Variants in PPP2R5C observed in about 807,000 individuals in gnomAD.
PPP2R5C encodes protein phosphatase 2 regulatory subunit B'gamma, also known as serine/threonine-protein phosphatase 2A 56 kDa regulatory subunit gamma isoform.
A neutral mutation model predicts 68.9 loss-of-function variants in PPP2R5C; 7 were observed. The observed-to-expected ratio is 0.10, with a 90% CI of 0.06 to 0.19. The LOEUF is 0.19. Among genes scored for constraint, PPP2R5C ranks in the 10% least tolerant of loss-of-function variants. The probability of loss-of-function intolerance (pLI) is 1.00; values close to 1 mark genes in which losing one functional copy is unlikely to be tolerated. For synonymous variants in PPP2R5C, 210 were observed against 222.2 expected, an observed-to-expected ratio of 0.95 and a Z score of 0.49; for missense variants, 348 against 641.3, an observed-to-expected ratio of 0.54 and a Z score of 4.94.
At chr14:101,880,697 TG>T (rs2044110248) in intron 2 of PPP2R5C, among the ~76,000 whole-genome samples, 1 of 152,102 alleles carries the variant, frequency 6.6e-6, no homozygotes. Context: ...CTTGGGAGGC[TG>T]GGGCAGGAGG....
chr14:101,872,549 A>T (rs977032693), intron 2 of PPP2R5C, among the ~76,000 whole-genome samples: 1 of 152,096 alleles, frequency 6.6e-6, no homozygotes, highest in East Asian at 1.9e-4. Context: ...GTTTTGAAAG[A>T]TCTGCTTGCT....
At chr14:101,897,431 G>A (rs558354071) in intron 8 of PPP2R5C, among the ~76,000 whole-genome samples, 3 of 147,934 alleles carry the variant, frequency 2.0e-5, no homozygotes, top group African/African-American at 7.5e-5. Context: ...ACAGGATCTC[G>A]CTCTGTCACC....
chr14:101,909,096 A>G (rs1451355247), intron 10 of PPP2R5C, among the ~76,000 whole-genome samples: 1 of 152,106 alleles, frequency 6.6e-6, no homozygotes, highest in African/African-American at 2.4e-5. Flanking sequence ...TTCCCTCTCC[A>G]TGCGTGTCAG....
rs2046042977 is a variant in PPP2R5C at position 101,906,687 on chromosome 14, T to G, written c.1151+158T>G. The G allele has an allele frequency of 2.0e-6, 2 of 1,019,294 alleles. No homozygotes were observed. Among genetic ancestry groups the G allele is most frequent in the African/African-American group, 3.3e-5 (2 of 61,070 alleles). The allele number at this position is 1,019,294 out of a possible 1,614,324, so 63.1% of individuals were successfully genotyped here. ...TCATAAATTAAGTAGCAGCGTGGGT[T>G]GTTTCTGTGGCCGTTGAATTTACCA... On this transcript the variant is annotated intron_variant, in intron 10 of 13. Coordinates refer to ENST00000334743, the Ensembl canonical transcript of PPP2R5C. The surrounding 1 kb of genome is among the most constrained non-coding windows in gnomAD (Gnocchi z 4.0).
At position 101,916,931 on chromosome 14, in the gene PPP2R5C, C is replaced by A. The variant is rs1459440836; in HGVS notation, c.1327-900C>A. On this transcript the variant is annotated intron_variant, in intron 12 of 13. Coordinates refer to ENST00000334743, the Ensembl canonical transcript of PPP2R5C. The surrounding 1 kb of genome is among the most constrained non-coding windows in gnomAD (Gnocchi z 5.5). ...TCCATGTCCCAGTTCCCCCATCAGCCAGGTGAGGGTGGCAGTACACACACA... is the reference window on the plus strand; with the variant it reads ...TCCATGTCCCAGTTCCCCCATCAGCAAGGTGAGGGTGGCAGTACACACACA... Among the ~76,000 whole-genome samples, 1 of 152,078 alleles carries A rather than the reference C, an allele frequency of 6.6e-6. No homozygotes were observed. The highest frequency in any genetic ancestry group is 1.5e-5 in the Non-Finnish European group (1 of 67,994).
At chr14:101,799,496 A>G (rs2038766805) in intron 3 of PPP2R5C, among the ~76,000 whole-genome samples, 1 of 152,052 alleles carries the variant, frequency 6.6e-6, no homozygotes, top group Non-Finnish European at 1.5e-5. Flanking sequence ...CTCGCTCCCC[A>G]TGCTGAGCGA....
chr14:101,912,675 A>C, intron 12 of PPP2R5C: 1 of 1,167,094 alleles, frequency 8.6e-7, no homozygotes, highest in Non-Finnish European at 1.1e-6. Context: ...TTTACCACAG[A>C]ATTGACTTTT....
chr14:101,792,059 C>T (rs576250462), intron 3 of PPP2R5C, among the ~76,000 whole-genome samples: 6 of 152,262 alleles, frequency 3.9e-5, no homozygotes, highest in East Asian at 1.9e-4. Context: ...TTAAATCAAC[C>T]GACCCAGTTG....
At chr14:101,816,954 A>G (rs1443793967) in intron 1 of PPP2R5C, among the ~76,000 whole-genome samples, 1 of 141,416 alleles carries the variant, frequency 7.1e-6, no homozygotes, top group Non-Finnish European at 1.5e-5. Flanking sequence ...AATATTATAT[A>G]TGTATATATA....
intron 11 of PPP2R5C, among the ~76,000 whole-genome samples, chr14:101,911,860 G>A (rs960885929): frequency 9.3e-5 from 14 of 151,288 alleles, no homozygotes; most frequent in African/African-American, 3.4e-4. Flanking sequence ...CTCCAGTCTG[G>A]GCGACAGAGT....
chr14:101,810,291 T>TC, intron 1 of PPP2R5C: 1 of 426,242 alleles, frequency 2.3e-6, no homozygotes, highest in Non-Finnish European at 4.2e-6. Flanking sequence ...CGCTCTCCCA[T>TC]CCCCCTTTCA....
rs2046771527 is a variant in PPP2R5C at position 101,917,845 on chromosome 14, T to G, written c.1341T>G (p.Ser447Arg). The change falls in exon 13 of 14, where the codon AGT becomes AGG. Residue 447 changes from serine to arginine, a missense_variant. Ser to Arg is a moderately radical substitution (Grantham distance 110). This residue lies in a region of PPP2R5C where 118 missense variants were observed against 108.9 expected (regional missense o/e 1.08). Coordinates refer to ENST00000334743, the Ensembl canonical transcript of PPP2R5C. This position sits in a 1 kb window ranked among gnomAD's most constrained non-coding sequence, Gnocchi z 4.4. Reference sequence around the variant, plus strand: ...TTGCATTGCAGTACACAGTGTATAGTCAAGCCAGCACCATGAGCATTCCGG... The same window carrying G: ...TTGCATTGCAGTACACAGTGTATAGGCAAGCCAGCACCATGAGCATTCCGG... 2 of 1,613,476 alleles carry G rather than the reference T, an allele frequency of 1.2e-6. No homozygotes were observed. Among genetic ancestry groups the G allele is most frequent in the Non-Finnish European group, 1.7e-6 (2 of 1,179,658 alleles).
At chr14:101,864,989 A>G (rs1013430241) in intron 2 of PPP2R5C, among the ~76,000 whole-genome samples, 2 of 152,148 alleles carry the variant, frequency 1.3e-5, no homozygotes, top group African/African-American at 4.8e-5. Flanking sequence ...GGCAGAGAGA[A>G]ATGGGCAAAT....
chr14:101,911,102 C>CAA (rs11405783), intron 11 of PPP2R5C, among the ~76,000 whole-genome samples: 24 of 127,180 alleles, frequency 1.9e-4, no homozygotes, highest in East Asian at 1.6e-3. Flanking sequence ...GACTCCGTCT[C>CAA]AAAAAAAAAA....
intron 8 of PPP2R5C, among the ~76,000 whole-genome samples, chr14:101,895,257 T>G (rs1052715099): frequency 6.6e-6 from 1 of 152,192 alleles, no homozygotes; most frequent in Non-Finnish European, 1.5e-5. Flanking sequence ...ATTCACCCAT[T>G]TAAAGAGTAC....
At chr14:101,784,551 T>C (rs578157799) in intron 2 of PPP2R5C, among the ~76,000 whole-genome samples, 14 of 151,788 alleles carry the variant, frequency 9.2e-5, no homozygotes, top group African/African-American at 3.4e-4. Context: ...TCATCAGATC[T>C]CCTGAGAACT....
At chr14:101,831,061 G>A (rs2040704833) in intron 1 of PPP2R5C, among the ~76,000 whole-genome samples, 2 of 152,166 alleles carry the variant, frequency 1.3e-5, no homozygotes, top group South Asian at 4.1e-4. Context: ...ATGTGCAAAT[G>A]ACAACATCGT....
intron 1 of PPP2R5C, among the ~76,000 whole-genome samples, chr14:101,832,234 C>T (rs185867404): frequency 3.3e-5 from 5 of 152,300 alleles, no homozygotes; most frequent in Admixed American, 3.3e-4. Context: ...CTTCTTTCTT[C>T]GTACTGTGGG....
chr14:101,772,269 G>A (rs1201471061), intron 2 of PPP2R5C, among the ~76,000 whole-genome samples: 1 of 152,016 alleles, frequency 6.6e-6, no homozygotes, highest in African/African-American at 2.4e-5. Flanking sequence ...AGGGCAAGAA[G>A]AAGAGGGAAT....
Sources: gnomAD v4.1 joint callset for allele counts (sites outside exome capture counted in the v4.1 genomes callset) on GRCh38, gnomAD v4.1.1 for gene constraint, gnomAD v4.1.1 regional missense constraint, Gnocchi (gnomAD v3.1) non-coding constraint, MANE v1.5 for transcripts, NCBI Gene and HGNC (gene_info 2026-07-23, HGNC 2026-07-21) for gene names.